WTAP: variants seen among roughly 807,000 people sequenced by gnomAD.
WTAP encodes WT1 associated protein.
WTAP carries 8 observed loss-of-function variants against 50.0 expected under a neutral mutation model. That is an observed-to-expected ratio of 0.16 (90% CI 0.09 to 0.29). The LOEUF (loss-of-function observed/expected upper bound fraction) is 0.29. Ranked by LOEUF, WTAP falls within the 10% of genes least tolerant of loss-of-function variation. The pLI is 1.00. For synonymous variants in WTAP, 194 were observed against 169.0 expected (o/e 1.15, Z -1.15); for missense variants, 295 against 470.7 (o/e 0.63, Z 3.45).
In WTAP at chr6:159,748,696, G is replaced by A; in HGVS notation, c.452+327G>A. 9 of 1,250,420 alleles carry A rather than the reference G, an allele frequency of 7.2e-6. No homozygotes were observed. Among genetic ancestry groups the A allele is most frequent in the South Asian group, 3.7e-5 (1 of 26,812 alleles). 77.5% of individuals were successfully genotyped at this position (1,250,420 alleles called of 1,614,324 possible). A position where few individuals can be genotyped will look rare whatever the true frequency, so the allele number is the denominator to read the frequency against. ...ATGTTTCTGTTTGAAGAAAATAGAG[G>A]GAGAAACAGAAGTCTTAAGTCTGTG... On this transcript the variant is annotated intron_variant, in intron 6 of 7. Coordinates refer to ENST00000621533, the MANE Select transcript of WTAP (RefSeq NM_001270531.2). The surrounding 1 kb of genome is among the most constrained non-coding windows in gnomAD (Gnocchi z 5.6).
chr6:159,738,162 C>T (rs980307160), intron 2 of WTAP, among the ~76,000 whole-genome samples: 3 of 152,166 alleles, frequency 2.0e-5, no homozygotes, highest in Non-Finnish European at 4.4e-5. Context: ...CTTTGTGTAA[C>T]CATCATTAAT....
intron 7 of WTAP, 60 bp from the exon 8 acceptor site, chr6:159,754,968 A>G: frequency 6.8e-7 from 1 of 1,469,492 alleles, no homozygotes; most frequent in Non-Finnish European, 9.1e-7. Flanking sequence ...GCAGGCACTA[A>G]AGAAACATTT....
intron 5 of WTAP, among the ~76,000 whole-genome samples, chr6:159,747,038 T>A (rs75082554): frequency 0.019 from 2,854 of 152,320 alleles, 104 homozygotes; most frequent in African/African-American, 0.065. Flanking sequence ...GTACTAGATT[T>A]TTGCTCAGTG....
chr6:159,728,476 T>C (rs2114858730), intron 1 of WTAP, among the ~76,000 whole-genome samples: 1 of 152,338 alleles, frequency 6.6e-6, no homozygotes, highest in Admixed American at 6.5e-5. Flanking sequence ...TCTATGAGTA[T>C]GTTACAATTG....
At chr6:159,728,298 G>A (rs953112243) in intron 1 of WTAP, among the ~76,000 whole-genome samples, 1 of 152,072 alleles carries the variant, frequency 6.6e-6, no homozygotes, top group Admixed American at 6.5e-5. Flanking sequence ...TCATAAGTCT[G>A]TGTACACGTA....
intron 6 of WTAP, among the ~76,000 whole-genome samples, chr6:159,751,291 TTG>T (rs1160019244): frequency 6.6e-6 from 1 of 152,222 alleles, no homozygotes; most frequent in East Asian, 1.9e-4. Flanking sequence ...GCATTAGAAT[TTG>T]TGACATTTTT....
upstream of WTAP, chr6:159,726,753 C>T (rs1015217554): frequency 2.3e-6 from 3 of 1,287,196 alleles, no homozygotes; most frequent in Admixed American, 2.3e-5. Flanking sequence ...CTCGATGCGT[C>T]TCCAGAGATG....
intron 3 of WTAP, among the ~76,000 whole-genome samples, chr6:159,739,543 C>T (rs893346331): frequency 6.6e-6 from 1 of 152,124 alleles, no homozygotes; most frequent in Admixed American, 6.5e-5. Flanking sequence ...AGCAGATTGT[C>T]AAGTACAACG....
intron 5 of WTAP, among the ~76,000 whole-genome samples, chr6:159,744,526 CCTGTT>C (rs1779453442): frequency 1.7e-5 from 1 of 58,806 alleles, no homozygotes; most frequent in Non-Finnish European, 3.9e-5. Flanking sequence ...TGGGCACAGT[CCTGTT>C]CTGTTTCTTT....
chr6:159,727,165 C>T (rs1469806398), upstream of WTAP: 178 of 1,198,828 alleles, frequency 1.5e-4, no homozygotes, highest in Non-Finnish European at 1.8e-4. Flanking sequence ...GGAGCTCGCG[C>T]CAGGCTCCTG....
chr6:159,753,391 T>C, intron 6 of WTAP, 69 bp from the exon 7 acceptor site: 1 of 1,604,012 alleles, frequency 6.2e-7, no homozygotes, highest in Admixed American at 1.7e-5. Context: ...CATCTATCAC[T>C]GTAATAATTG....
chr6:159,744,846 A>C (rs1386974475), intron 5 of WTAP, among the ~76,000 whole-genome samples: 3 of 152,084 alleles, frequency 2.0e-5, no homozygotes, highest in Non-Finnish European at 4.4e-5. Context: ...AGCGCAGCTA[A>C]TTTCTTAATT....
At position 159,743,809 on chromosome 6, in the gene WTAP, A is replaced by T; in HGVS notation, c.273+17A>T. On this transcript the variant is annotated intron_variant, in intron 5 of 7. Transcript: ENST00000621533. ...GAGTGTACTGTAAGTATTTCAAGTT[A>T]TATAAATGTCTTTAGTTGAGGAATT... is the stretch of plus-strand genomic sequence containing the variant. The T allele has an allele frequency of 3.2e-6, 5 of 1,585,228 alleles. No homozygotes were observed. The highest frequency in any genetic ancestry group is 4.3e-6 in the Non-Finnish European group (5 of 1,168,900).
At chr6:159,753,259 G>C in intron 6 of WTAP, 1 of 671,224 alleles carries the variant, frequency 1.5e-6, no homozygotes. Context: ...TTTTTGTTTA[G>C]GGTTTATTTT....
At chr6:159,749,340 T>G (rs1779738552) in intron 6 of WTAP, 2 of 985,724 alleles carry the variant, frequency 2.0e-6, no homozygotes, top group Non-Finnish European at 2.4e-6. Context: ...GTCGTTGGTG[T>G]TAATGGGGGA....
At chr6:159,728,037 C>G (rs59250477) in intron 1 of WTAP, among the ~76,000 whole-genome samples, 2,445 of 152,318 alleles carry the variant, frequency 0.016, 79 homozygotes, top group African/African-American at 0.056. Flanking sequence ...GGGGTCGCCC[C>G]CTTCACCTCC....
chr6:159,740,229 A>AT (rs1055587725), intron 3 of WTAP, among the ~76,000 whole-genome samples: 29 of 151,676 alleles, frequency 1.9e-4, no homozygotes, highest in Admixed American at 1.7e-3. Flanking sequence ...CTGTGCAGTC[A>AT]TTTTTTTGAT....
In WTAP at chr6:159,755,194, A is replaced by T. The variant is rs1463425570; in HGVS notation, c.774A>T (p.Glu258Asp). 1 of 1,614,156 alleles carries T rather than the reference A, an allele frequency of 6.2e-7. No homozygotes were observed. Among genetic ancestry groups the T allele is most frequent in the African/African-American group, 1.3e-5 (1 of 75,034 alleles). The change falls in exon 8 of 8, where the codon GAA (glutamate) becomes GAT (aspartate). Residue 258 changes from glutamate (E) to aspartate (D), a missense_variant. Around this residue, in one of 2 missense-constraint regions of WTAP, gnomAD observed 175 missense variants for 183.1 expected, o/e 0.96. Coordinates refer to ENST00000621533, the MANE Select transcript of WTAP (RefSeq NM_001270531.2). Reference protein sequence around the residue: ...APSTSRTTASEPVEQSEATSK... With the variant: ...APSTSRTTASDPVEQSEATSK... The stretch of plus-strand genomic sequence containing the variant: ...GTACCAGCAGGACTACAGCTTCTGA[A>T]CCTGTAGAACAGTCAGAGGCCACAA...
intron 3 of WTAP, among the ~76,000 whole-genome samples, chr6:159,740,779 C>T (rs1007483342): frequency 8.6e-5 from 13 of 150,908 alleles, no homozygotes; most frequent in Admixed American, 8.6e-4. Flanking sequence ...TCTCGGCTCA[C>T]TGCAACCGCC....
Sources: gnomAD v4.1 joint callset for allele counts (sites outside exome capture counted in the v4.1 genomes callset) on GRCh38, gnomAD v4.1.1 for gene constraint, gnomAD v4.1.1 regional missense constraint, Gnocchi (gnomAD v3.1) non-coding constraint, MANE v1.5 for transcripts, NCBI Gene and HGNC (gene_info 2026-07-23, HGNC 2026-07-21) for gene names.